Variants in STAT5B observed in about 807,000 individuals in gnomAD.
STAT5B encodes the protein transcription factor STAT5B.
In STAT5B, 21 loss-of-function variants were observed where a neutral mutation model predicts 107.8. The ratio of observed to expected loss-of-function variants is 0.19; its 90% CI spans 0.14 to 0.28. The LOEUF (loss-of-function observed/expected upper bound fraction) is 0.28. Ranked by LOEUF, STAT5B falls within the 10% of genes least tolerant of loss-of-function variation. STAT5B has a pLI of 1.00. For synonymous variants in STAT5B, 325 were observed against 401.7 expected (o/e 0.81, Z 2.28); for missense variants, 565 against 1,008.2 (o/e 0.56, Z 5.95).
At chr17:42,259,153 G>C (rs1389840359) in intron 1 of STAT5B, among the ~76,000 whole-genome samples, 2 of 152,122 alleles carry the variant, frequency 1.3e-5, no homozygotes, top group Non-Finnish European at 2.9e-5. Flanking sequence ...AAACAGGGTG[G>C]GCTGTTTATT....
At chr17:42,236,061 T>C (rs1036622914) in intron 1 of STAT5B, among the ~76,000 whole-genome samples, 2 of 152,220 alleles carry the variant, frequency 1.3e-5, no homozygotes, top group African/African-American at 2.4e-5. Context: ...TTAGAATTTG[T>C]AGAATATTTT....
rs185734497 is a variant in STAT5B, at chr17:42,216,219, G to A, written c.1381-113C>T. ...TTTTATTTTCCAAGTTTCAGTTAATGTTCCTCTCAGACACAGAATCTAAAT... is the reference window on the plus strand; with the variant it reads ...TTTTATTTTCCAAGTTTCAGTTAATATTCCTCTCAGACACAGAATCTAAAT... On this transcript the variant is annotated intron_variant, in intron 11 of 18. Transcript: ENST00000293328. The A allele has an allele frequency of 5.1e-4, 462 of 905,404 alleles. 3 individuals are homozygous for A. In the African/African-American group the frequency reaches 7.0e-3, roughly 14 times the overall value. 56.1% of individuals were successfully genotyped at this position (905,404 alleles called of 1,614,324 possible).
At chr17:42,281,199 T>C (rs2080794532), upstream of STAT5B, among the ~76,000 whole-genome samples, 2 of 151,960 alleles carry the variant, frequency 1.3e-5, no homozygotes, top group African/African-American at 4.8e-5. Context: ...AGGTACTTAA[T>C]GTCTCTGAGG....
chr17:42,273,671 C>A (rs1219276350), intron 1 of STAT5B, among the ~76,000 whole-genome samples: 2 of 152,178 alleles, frequency 1.3e-5, no homozygotes, highest in Non-Finnish European at 1.5e-5. Flanking sequence ...CACCTGTAAC[C>A]TGCATCTAAT....
intron 1 of STAT5B, among the ~76,000 whole-genome samples, chr17:42,262,780 A>G (rs567421684): frequency 4.2e-4 from 54 of 128,662 alleles, no homozygotes; most frequent in Non-Finnish European, 7.5e-4. Flanking sequence ...ATATATGTAT[A>G]TATATACACA....
intron 1 of STAT5B, among the ~76,000 whole-genome samples, chr17:42,253,957 C>T (rs2080520938): frequency 6.6e-6 from 1 of 152,112 alleles, no homozygotes; most frequent in Non-Finnish European, 1.5e-5. Context: ...TGGGCTTCGG[C>T]CTAAACTCTG....
intron 1 of STAT5B, among the ~76,000 whole-genome samples, chr17:42,246,099 C>T (rs2080449563): frequency 2.0e-5 from 3 of 152,096 alleles, no homozygotes; most frequent in Admixed American, 1.3e-4. Context: ...CTTTTTGGTA[C>T]AATTTTTGTA....
chr17:42,209,926 T>C (rs1001628197), intron 15 of STAT5B, among the ~76,000 whole-genome samples: 3 of 152,246 alleles, frequency 2.0e-5, no homozygotes, highest in Non-Finnish European at 4.4e-5. Flanking sequence ...AGCCATGTCA[T>C]GGTTAAATGT....
chr17:42,216,566 C>T (rs892887530), intron 11 of STAT5B, among the ~76,000 whole-genome samples: 4 of 152,182 alleles, frequency 2.6e-5, no homozygotes, highest in East Asian at 3.9e-4. Flanking sequence ...GTTGTTGAGA[C>T]GGGGTCTCAC....
At chr17:42,221,753 T>C (rs1464242230) in intron 5 of STAT5B, among the ~76,000 whole-genome samples, 5 of 152,234 alleles carry the variant, frequency 3.3e-5, no homozygotes, top group African/African-American at 1.2e-4. Context: ...GTTTCAGGCA[T>C]TGTGCTGGCC....
At chr17:42,251,163 G>A (rs1027475079) in intron 1 of STAT5B, among the ~76,000 whole-genome samples, 4 of 152,074 alleles carry the variant, frequency 2.6e-5, no homozygotes, top group Non-Finnish European at 4.4e-5. Context: ...TGCCATATTT[G>A]GGGGGTGGGG....
intron 1 of STAT5B, among the ~76,000 whole-genome samples, chr17:42,252,656 T>C (rs758540003): frequency 1.8e-4 from 27 of 152,226 alleles, no homozygotes; most frequent in Admixed American, 1.2e-3. Context: ...ATTACAGGAA[T>C]AATGGGAGTG....
chr17:42,224,513 T>TG (rs1262690015), intron 4 of STAT5B, among the ~76,000 whole-genome samples: 1 of 152,042 alleles, frequency 6.6e-6, no homozygotes, highest in Non-Finnish European at 1.5e-5. Context: ...CTAATTTTTT[T>TG]GTATTTTTGG....
intron 10 of STAT5B, 23 bp from the exon 11 acceptor site, chr17:42,217,305 G>A: frequency 6.2e-7 from 1 of 1,614,186 alleles, no homozygotes; most frequent in Non-Finnish European, 8.5e-7. Flanking sequence ...AACATAAGAT[G>A]AAACGTAAGA....
chr17:42,217,124 C>T (rs377565307), intron 11 of STAT5B, 36 bp downstream of exon 11: 103 of 1,593,282 alleles, frequency 6.5e-5, no homozygotes, highest in African/African-American at 2.9e-4. Context: ...CACACACACA[C>T]GCACACGCAC....
intron 16 of STAT5B, among the ~76,000 whole-genome samples, chr17:42,204,802 T>C (rs1228107961): frequency 6.6e-6 from 1 of 152,170 alleles, no homozygotes; most frequent in Non-Finnish European, 1.5e-5. Context: ...TTTGTAGAGA[T>C]GGAGTCTCAC....
chr17:42,222,904 G>A (rs544392392), intron 5 of STAT5B, among the ~76,000 whole-genome samples: 1 of 150,936 alleles, frequency 6.6e-6, no homozygotes, highest in African/African-American at 2.4e-5. Context: ...GGCTGGTCTC[G>A]AACTCCTGAC....
At chr17:42,241,230 C>T (rs1199989055) in intron 1 of STAT5B, among the ~76,000 whole-genome samples, 1 of 151,124 alleles carries the variant, frequency 6.6e-6, no homozygotes, top group Non-Finnish European at 1.5e-5. Flanking sequence ...ATCCCAGCTA[C>T]TTGGGATGCT....
chr17:42,220,420 A>G (rs2080215034), intron 5 of STAT5B, among the ~76,000 whole-genome samples: 1 of 152,194 alleles, frequency 6.6e-6, no homozygotes, highest in African/African-American at 2.4e-5. Context: ...AAGAGGTGAC[A>G]GAGACAAGCA....
Sources: gnomAD v4.1 joint callset for allele counts (sites outside exome capture counted in the v4.1 genomes callset) on GRCh38, gnomAD v4.1.1 for gene constraint, MANE v1.5 for transcripts, NCBI Gene and HGNC (gene_info 2026-07-23, HGNC 2026-07-21) for gene names.